The following CNTNAP2 variants were observed in gnomAD, a reference collection of about 807,000 sequenced individuals.
The protein encoded by CNTNAP2 is contactin-associated protein-like 2.
A neutral mutation model predicts 155.2 loss-of-function variants in CNTNAP2; 98 were observed. The observed-to-expected ratio is 0.63, with a 90% confidence interval of 0.54 to 0.75. The LOEUF is 0.75. CNTNAP2 is among the 30% of genes least tolerant of loss of function. The pLI is 0.00. For synonymous variants in CNTNAP2, 651 were observed against 631.2 expected (o/e 1.03, Z -0.47); for missense variants, 1,727 against 1,688.1 (o/e 1.02, Z -0.40).
At chr7:147,635,682 T>A (rs989865030) in intron 12 of CNTNAP2, among the ~76,000 whole-genome samples, 2 of 152,150 alleles carry the variant, frequency 1.3e-5, no homozygotes, top group East Asian at 1.9e-4. Context: ...AAATAGGTAA[T>A]ATTTTTAAAG....
chr7:147,413,782 C>T (rs1291907352), intron 10 of CNTNAP2, among the ~76,000 whole-genome samples: 1 of 152,126 alleles, frequency 6.6e-6, no homozygotes, highest in Non-Finnish European at 1.5e-5. Context: ...CACAGCAGAG[C>T]TCCAGCCTCT....
rs576233016 is a variant in CNTNAP2 at position 147,851,773 on chromosome 7, G to C, written c.2099-51792G>C. ...CAAGGCCTGTCGTGGGGTGGGGGGAGGGGGGAAGGATAGCATTAGGAGATA... is the reference window on the plus strand; with the variant it reads ...CAAGGCCTGTCGTGGGGTGGGGGGACGGGGGAAGGATAGCATTAGGAGATA... On this transcript the variant is annotated intron_variant, in intron 13 of 23. Coordinates refer to ENST00000361727, the MANE Select transcript of CNTNAP2 (RefSeq NM_014141.6). Among the ~76,000 whole-genome samples, 6 of 121,280 alleles carry C rather than the reference G, an allele frequency of 4.9e-5. No individual in the cohort carries two copies. The Admixed American group carries it at 5.6e-4, about 11-fold the overall frequency. The allele number at this position is 121,280 out of a possible 152,430, so 79.6% of individuals were successfully genotyped here. A position where few individuals can be genotyped will look rare whatever the true frequency, so the allele number is the denominator to read the frequency against.
intron 18 of CNTNAP2, among the ~76,000 whole-genome samples, chr7:148,187,515 G>T (rs568864527): frequency 1.3e-5 from 2 of 152,276 alleles, no homozygotes; most frequent in East Asian, 3.9e-4. Context: ...TACGTAAAAC[G>T]AGCTTCTGAT....
At chr7:146,211,207 A>T (rs1055422405) in intron 1 of CNTNAP2, among the ~76,000 whole-genome samples, 1 of 152,218 alleles carries the variant, frequency 6.6e-6, no homozygotes, top group African/African-American at 2.4e-5. Context: ...AAAGATTAGG[A>T]AATCAGTTAC....
intron 8 of CNTNAP2, among the ~76,000 whole-genome samples, chr7:147,259,763 T>C (rs1474682512): frequency 1.3e-5 from 2 of 152,234 alleles, no homozygotes; most frequent in South Asian, 4.1e-4. Context: ...CTGAGGTTTA[T>C]GACAAATCAA....
chr7:146,705,110 A>G (rs1323885466), intron 1 of CNTNAP2, among the ~76,000 whole-genome samples: 1 of 152,104 alleles, frequency 6.6e-6, no homozygotes, highest in Non-Finnish European at 1.5e-5. Context: ...TCAGACAAAT[A>G]TTTCCCTTGC....
intron 2 of CNTNAP2, among the ~76,000 whole-genome samples, chr7:146,817,676 G>A (rs1310990071): frequency 6.6e-6 from 1 of 151,968 alleles, no homozygotes; most frequent in Non-Finnish European, 1.5e-5. Context: ...AGGAAGGGCA[G>A]GGAGATGCTA....
At chr7:146,635,429 G>T (rs1045194842) in intron 1 of CNTNAP2, among the ~76,000 whole-genome samples, 1 of 152,148 alleles carries the variant, frequency 6.6e-6, no homozygotes, top group African/African-American at 2.4e-5. Context: ...GGCTGTCATG[G>T]CTTTGTGTGG....
chr7:147,163,513 A>T (rs1802065760), intron 8 of CNTNAP2, among the ~76,000 whole-genome samples: 1 of 152,146 alleles, frequency 6.6e-6, no homozygotes, highest in Non-Finnish European at 1.5e-5. Context: ...TTAATCTCCT[A>T]TCTCCTATGG....
Position 147,031,779 on chromosome 7 carries a change from G to A in CNTNAP2, c.403-12128G>A, listed in dbSNP as rs1188557122. 7.2e-5 allele frequency among the ~76,000 whole-genome samples: 11 copies of A among 152,176 alleles called. 1 individual carries two copies. Among genetic ancestry groups the A allele is most frequent in the African/African-American group, 1.7e-4 (7 of 41,452 alleles). On this transcript the variant is annotated intron_variant, in intron 3 of 23. Transcript: ENST00000361727. ...CTAAAAATACAAAAATTAGCCGGGC[G>A]TGGTGGCCTGTGCCTGTAGTCCCAG...
At chr7:147,629,841 T>C (rs1012651326) in intron 12 of CNTNAP2, among the ~76,000 whole-genome samples, 2 of 151,602 alleles carry the variant, frequency 1.3e-5, no homozygotes, top group African/African-American at 4.8e-5. Context: ...GAGAGGAAAA[T>C]TCATAGCATT....
At chr7:147,558,776 T>G (rs934705291) in intron 11 of CNTNAP2, among the ~76,000 whole-genome samples, 32 of 151,802 alleles carry the variant, frequency 2.1e-4, no homozygotes, top group Non-Finnish European at 3.8e-4. Context: ...GGAGTCTTAC[T>G]CTGTCACCCA....
intron 8 of CNTNAP2, among the ~76,000 whole-genome samples, chr7:147,240,093 C>G (rs1803903244): frequency 6.6e-6 from 1 of 152,040 alleles, no homozygotes; most frequent in Admixed American, 6.5e-5. Context: ...TTTTTTTAAT[C>G]CATAGAACGA....
intron 13 of CNTNAP2, among the ~76,000 whole-genome samples, chr7:147,770,141 G>A (rs917811391): frequency 1.3e-5 from 2 of 152,108 alleles, no homozygotes; most frequent in African/African-American, 2.4e-5. Flanking sequence ...TTCCTTATTC[G>A]TAACCATTGA....
intron 21 of CNTNAP2, among the ~76,000 whole-genome samples, chr7:148,370,954 C>G (rs971740739): frequency 2.0e-5 from 3 of 152,162 alleles, no homozygotes; most frequent in Non-Finnish European, 4.4e-5. Flanking sequence ...GACACCGTCT[C>G]AAGCATGGTG....
At chr7:146,379,247 G>C (rs913845345) in intron 1 of CNTNAP2, among the ~76,000 whole-genome samples, 5 of 152,168 alleles carry the variant, frequency 3.3e-5, no homozygotes, top group African/African-American at 1.2e-4. Context: ...GGGTGAAATT[G>C]TAATTTGGAC....
chr7:146,230,466 G>A (rs141453091), intron 1 of CNTNAP2, among the ~76,000 whole-genome samples: 1 of 152,296 alleles, frequency 6.6e-6, no homozygotes, highest in East Asian at 1.9e-4. Flanking sequence ...CTTAATGTAT[G>A]TTGCAGTTTA....
intron 3 of CNTNAP2, among the ~76,000 whole-genome samples, chr7:146,868,972 T>A (rs1398553088): frequency 2.6e-5 from 4 of 152,334 alleles, no homozygotes; most frequent in Admixed American, 6.5e-5. Flanking sequence ...CAGAGATAGT[T>A]TGACTTCTTG....
intron 13 of CNTNAP2, among the ~76,000 whole-genome samples, chr7:147,649,902 A>G (rs1795424317): frequency 6.6e-6 from 1 of 152,096 alleles, no homozygotes; most frequent in Non-Finnish European, 1.5e-5. Context: ...TTTGTGAAGG[A>G]TAAAATAATG....
Sources: gnomAD v4.1 joint callset for allele counts (sites outside exome capture counted in the v4.1 genomes callset) on GRCh38, gnomAD v4.1.1 for gene constraint, MANE v1.5 for transcripts, NCBI Gene and HGNC (gene_info 2026-07-23, HGNC 2026-07-21) for gene names.